Variants in RPP14 observed in about 807,000 individuals in gnomAD.
RPP14 encodes the protein ribonuclease P/MRP subunit p14.
RPP14 carries 19 observed loss-of-function variants against 17.8 expected under a neutral mutation model. The ratio of observed to expected loss-of-function variants is 1.07; its 90% confidence interval spans 0.74 to 1.57. The LOEUF (loss-of-function observed/expected upper bound fraction) is 1.57. Among genes scored for constraint, RPP14 ranks in the 40% most tolerant of loss-of-function variants. RPP14 has a pLI of 0.00. For synonymous variants in RPP14, 60 were observed against 56.4 expected (o/e 1.06, Z -0.29); for missense variants, 125 against 140.8 (o/e 0.89, Z 0.57).
intron 3 of RPP14, among the ~76,000 whole-genome samples, chr3:58,313,984 T>C (rs79193098): frequency 0.046 from 6,974 of 152,330 alleles, 558 homozygotes; most frequent in African/African-American, 0.16. Context: ...GCCAGGAGTT[T>C]GAGGCTGGCT....
At position 58,317,931 on chromosome 3, in the gene RPP14, A is replaced by G. The variant is rs2097490118; in HGVS notation, c.*435A>G. 2.8e-6 allele frequency: 2 copies of G among 702,776 alleles called. No homozygotes were observed. Among genetic ancestry groups the G allele is most frequent in the African/African-American group, 1.7e-5 (1 of 57,240 alleles). The allele number at this position is 702,776 out of a possible 1,614,324, so 43.5% of individuals were successfully genotyped here. ...CTAAAATGCCAGGGCCAGGCTGTGT[A>G]TTTCTTTCCCAGGAAATTAGCTTTC... On this transcript the variant is annotated 3_prime_UTR_variant, in exon 6 of 6. Transcript: ENST00000295959.
intron 3 of RPP14, among the ~76,000 whole-genome samples, chr3:58,314,476 C>A (rs1257322818): frequency 6.6e-6 from 1 of 152,120 alleles, no homozygotes; most frequent in African/African-American, 2.4e-5. Context: ...CAAAGAAGCA[C>A]ATGGAAAGAT....
rs900410156 is a variant in RPP14 at position 58,310,654 on chromosome 3, C to T, written c.162+63C>T. On this transcript the variant is annotated intron_variant, in intron 3 of 5. Coordinates refer to ENST00000295959, the MANE Select transcript of RPP14 (RefSeq NM_007042.6). Reference sequence around the variant, plus strand: ...CTTTGTAAGAAATACAGAAAGAGGCCGGGCGCGGTAGCTCACGCCTGTAAT... The same window carrying T: ...CTTTGTAAGAAATACAGAAAGAGGCTGGGCGCGGTAGCTCACGCCTGTAAT... The T allele has an allele frequency of 4.3e-5, 61 of 1,432,846 alleles. No homozygotes were observed. In the East Asian group the frequency reaches 1.1e-3, roughly 25 times the overall value. 88.8% of individuals were successfully genotyped at this position (1,432,846 alleles called of 1,614,324 possible).
At chr3:58,308,814 T>C (rs2097478642) in intron 1 of RPP14, among the ~76,000 whole-genome samples, 1 of 152,136 alleles carries the variant, frequency 6.6e-6, no homozygotes. Context: ...TTGCATAACA[T>C]GGGGGCTTAA....
At chr3:58,313,995 G>C (rs190097987) in intron 3 of RPP14, among the ~76,000 whole-genome samples, 5 of 152,360 alleles carry the variant, frequency 3.3e-5, no homozygotes, top group Non-Finnish European at 7.3e-5. Context: ...GAGGCTGGCT[G>C]TGGTAAACTA....
intron 3 of RPP14, among the ~76,000 whole-genome samples, chr3:58,310,960 A>G (rs549878934): frequency 2.5e-3 from 176 of 69,470 alleles, no homozygotes; most frequent in African/African-American, 0.013. Flanking sequence ...ATGCTTTTCA[A>G]ACATCAAAAA....
intron 3 of RPP14, among the ~76,000 whole-genome samples, chr3:58,314,675 A>ATTTTTTTTTTTTTTTTTTTTTTT (rs751757663): frequency 1.8e-4 from 16 of 90,560 alleles, no homozygotes; most frequent in Non-Finnish European, 2.1e-4. Context: ...GTTTGGCAGT[A>ATTTTTTTTTTTTTTTTTTTTTTT]TTTTTTTTTT....
intron 3 of RPP14, among the ~76,000 whole-genome samples, chr3:58,312,863 A>T (rs1007944316): frequency 3.3e-5 from 5 of 150,028 alleles, no homozygotes; most frequent in Non-Finnish European, 7.4e-5. Context: ...TGGAAGACTG[A>T]GGCAGGAGAA....
chr3:58,310,092 C>T (rs2097480456), intron 1 of RPP14: 1 of 522,530 alleles, frequency 1.9e-6, no homozygotes, highest in Non-Finnish European at 3.4e-6. Context: ...CCCAGCTACT[C>T]AGGAGTCTGA....
chr3:58,315,313 T>C (rs1189284517), intron 3 of RPP14, among the ~76,000 whole-genome samples: 4 of 152,032 alleles, frequency 2.6e-5, no homozygotes, highest in Admixed American at 6.6e-5. Flanking sequence ...GTGTTTCCAT[T>C]TATAGAAGAC....
In RPP14 at chr3:58,318,237, G is replaced by A; in HGVS notation, c.*741G>A. On this transcript the variant is annotated 3_prime_UTR_variant, in exon 6 of 6. Coordinates refer to ENST00000295959, the MANE Select transcript of RPP14 (RefSeq NM_007042.6). ...AGGCCCAGAAGCCCATCTTAGTTAGGGGAAGGGAGCAGGAAGAGGGTTGTT... is the reference window on the plus strand; with the variant it reads ...AGGCCCAGAAGCCCATCTTAGTTAGAGGAAGGGAGCAGGAAGAGGGTTGTT... 5 of 581,452 alleles carry A rather than the reference G, an allele frequency of 8.6e-6. No homozygotes were observed. Among genetic ancestry groups the A allele is most frequent in the Middle Eastern group, 4.4e-4 (1 of 2,248 alleles). The allele number at this position is 581,452 out of a possible 1,614,324, so 36.0% of individuals were successfully genotyped here.
Position 58,317,601 on chromosome 3 carries a change from G to T in RPP14, c.*105G>T. The T allele has an allele frequency of 1.2e-6, 1 of 824,596 alleles. No homozygotes were observed. The highest frequency in any genetic ancestry group is 2.5e-5 in the East Asian group (1 of 40,150). The allele number at this position is 824,596 out of a possible 1,614,324, so 51.1% of individuals were successfully genotyped here. A position where few individuals can be genotyped will look rare whatever the true frequency, so the allele number is the denominator to read the frequency against. ...AGGCTAAAAGCTCTTGATGAAATTTGAGGGTGCTGAAGATGTTCCCACTAA... is the reference window on the plus strand; with the variant it reads ...AGGCTAAAAGCTCTTGATGAAATTTTAGGGTGCTGAAGATGTTCCCACTAA... On this transcript the variant is annotated 3_prime_UTR_variant, in exon 6 of 6. Coordinates refer to ENST00000295959, the MANE Select transcript of RPP14 (RefSeq NM_007042.6).
chr3:58,316,635 G>A (rs2097488558), intron 4 of RPP14, 44 bp downstream of exon 4: 1 of 1,509,062 alleles, frequency 6.6e-7, no homozygotes, highest in Non-Finnish European at 9.2e-7. Context: ...AGGGCAGAGA[G>A]ACCGATGGAG....
chr3:58,312,343 C>CCG (rs1553724610), intron 3 of RPP14, among the ~76,000 whole-genome samples: 1 of 128,238 alleles, frequency 7.8e-6, no homozygotes, highest in African/African-American at 2.8e-5. Context: ...CACCCCCCCC[C>CCG]GCCCCTCCCG....
intron 1 of RPP14, among the ~76,000 whole-genome samples, chr3:58,309,701 C>T (rs937485034): frequency 6.6e-6 from 1 of 151,980 alleles, no homozygotes; most frequent in Admixed American, 6.6e-5. Flanking sequence ...ACCAGCCTGA[C>T]CAATATGGTG....
At chr3:58,316,859 A>G (rs17059171) in intron 4 of RPP14, 56 bp from the exon 5 acceptor site, 128,838 of 1,400,158 alleles carry the variant, frequency 0.092, 7,828 homozygotes, top group African/African-American at 0.27. Context: ...CCTTAGTTGA[A>G]GTTCATTTTG....
Position 58,317,971 on chromosome 3 carries a change from A to G in RPP14, c.*475A>G. 1 of 702,916 alleles carries G rather than the reference A, an allele frequency of 1.4e-6. No homozygotes were observed. Among genetic ancestry groups the G allele is most frequent in the Non-Finnish European group, 2.6e-6 (1 of 384,984 alleles). The allele number at this position is 702,916 out of a possible 1,614,324, so 43.5% of individuals were successfully genotyped here. Reference sequence around the variant, plus strand: ...AATTAGCTTTCCAGCCCCTTTATATATTGGAGAAGTTGTTTTAGCTTCTGC... The same window carrying G: ...AATTAGCTTTCCAGCCCCTTTATATGTTGGAGAAGTTGTTTTAGCTTCTGC... On this transcript the variant is annotated 3_prime_UTR_variant, in exon 6 of 6. Coordinates refer to ENST00000295959, the MANE Select transcript of RPP14 (RefSeq NM_007042.6).
Position 58,306,252 on chromosome 3 carries a change from C to T in RPP14, c.-187C>T, listed in dbSNP as rs1278391699. ...ACGCCGCGTGGTGACGTCATATCCG[C>T]CTGGGCGTCACGCTTCGTGGGGCGG... On this transcript the variant is annotated 5_prime_UTR_variant, in exon 1 of 6. Transcript: ENST00000295959. 2 of 152,238 alleles carry T rather than the reference C, an allele frequency of 1.3e-5. No individual in the cohort carries two copies. The highest frequency in any genetic ancestry group is 2.4e-5 in the African/African-American group (1 of 41,448). 9.4% of individuals were successfully genotyped at this position (152,238 alleles called of 1,614,324 possible).
chr3:58,317,262 T>C (rs1287212091), intron 5 of RPP14, among the ~76,000 whole-genome samples, 178 bp from the exon 6 acceptor site: 1 of 152,222 alleles, frequency 6.6e-6, no homozygotes, highest in Non-Finnish European at 1.5e-5. Context: ...GTGTGTTATA[T>C]ATTGGTACGC....
Sources: allele counts gnomAD v4.1 joint callset (sites outside exome capture counted in the v4.1 genomes callset), GRCh38; gene constraint gnomAD v4.1.1; transcripts MANE v1.5; gene names NCBI Gene and HGNC (gene_info 2026-07-23, HGNC 2026-07-21).